ARHGAP6: variants seen among roughly 807,000 people sequenced by gnomAD.
ARHGAP6 encodes rho GTPase-activating protein 6.
ARHGAP6 carries 16 observed loss-of-function variants against 55.7 expected under a neutral mutation model. The observed-to-expected ratio is 0.29, with a 90% CI of 0.19 to 0.44. The LOEUF is 0.44. Ranked by LOEUF, ARHGAP6 falls within the 20% of genes least tolerant of loss-of-function variation. ARHGAP6 has a pLI of 1.00. For synonymous variants in ARHGAP6, 382 were observed against 360.9 expected, an observed-to-expected ratio of 1.06 and a Z score of -0.66; for missense variants, 698 against 808.9, an observed-to-expected ratio of 0.86 and a Z score of 1.66.
intron 1 of ARHGAP6, among the ~76,000 whole-genome samples, chrX:11,305,015 T>C (rs951882473): frequency 4.6e-5 from 5 of 109,540 alleles, no homozygotes; most frequent in African/African-American, 1.3e-4. Flanking sequence ...CTCAATCTCC[T>C]GACCTCCTGA....
chrX:11,533,961 A>T (rs766376976), intron 1 of ARHGAP6, among the ~76,000 whole-genome samples: 2 of 112,408 alleles, frequency 1.8e-5, no homozygotes, highest in South Asian at 7.4e-4. Flanking sequence ...AAATATTGAA[A>T]GGTTTTGGAT....
chrX:11,502,601 C>T (rs999484354), intron 1 of ARHGAP6, among the ~76,000 whole-genome samples: 2 of 111,794 alleles, frequency 1.8e-5, no homozygotes, highest in Non-Finnish European at 3.8e-5. Context: ...AAGACCAACC[C>T]CTCCTCGACC....
In ARHGAP6 at chrX:11,258,830, T is replaced by C. The variant is rs959958275; in HGVS notation, c.589-4123A>G. 7.2e-5 allele frequency among the ~76,000 whole-genome samples: 8 copies of C among 111,879 alleles called. No individual in the cohort carries two copies. The Admixed American group carries it at 7.6e-4, about 11-fold the overall frequency. ...CAAGACAATATCTGTATTTTTTGTT[T>C]CCTTATTTTTACTTTTTAAATTTCT... On this transcript the variant is annotated intron_variant, in intron 1 of 12. Coordinates refer to ENST00000337414, the MANE Select transcript of ARHGAP6 (RefSeq NM_013427.3).
chrX:11,271,553 TAA>T (rs2047694271), intron 1 of ARHGAP6, among the ~76,000 whole-genome samples: 1 of 112,106 alleles, frequency 8.9e-6, no homozygotes, highest in African/African-American at 3.2e-5. Context: ...ATAAACATAT[TAA>T]GTTAATAAAT....
chrX:11,363,336 A>G (rs754613883), intron 1 of ARHGAP6, among the ~76,000 whole-genome samples: 14 of 112,231 alleles, frequency 1.2e-4, no homozygotes, highest in Non-Finnish European at 2.4e-4. Context: ...GTTCCACCAC[A>G]CAAAACAGTC....
At chrX:11,611,597 C>G (rs1409309644) in intron 1 of ARHGAP6, among the ~76,000 whole-genome samples, 1 of 111,631 alleles carries the variant, frequency 9.0e-6, no homozygotes, top group Admixed American at 9.5e-5. Flanking sequence ...GCCTAATATT[C>G]ACTCTGCAGC....
At chrX:11,319,884 A>C (rs1007625548) in intron 1 of ARHGAP6, among the ~76,000 whole-genome samples, 15 of 112,312 alleles carry the variant, frequency 1.3e-4, no homozygotes, top group African/African-American at 4.8e-4. Flanking sequence ...CTTCATTTTG[A>C]AATTGGCCAG....
intron 2 of ARHGAP6, among the ~76,000 whole-genome samples, chrX:11,224,015 T>A (rs1412272382): frequency 3.6e-5 from 4 of 112,293 alleles, no homozygotes; most frequent in Non-Finnish European, 5.6e-5. Context: ...ACTCCCTTGC[T>A]ACTTTATAGT....
intron 1 of ARHGAP6, among the ~76,000 whole-genome samples, chrX:11,575,860 C>T (rs1218971099): frequency 8.9e-6 from 1 of 112,346 alleles, no homozygotes; most frequent in Non-Finnish European, 1.9e-5. Context: ...CCACCCATGA[C>T]TTGTTATTTA....
intron 2 of ARHGAP6, among the ~76,000 whole-genome samples, chrX:11,251,596 G>A (rs1224026818): frequency 8.9e-6 from 1 of 112,324 alleles, no homozygotes; most frequent in Non-Finnish European, 1.9e-5. Context: ...AGAAATGTGA[G>A]CTTGACTATG....
At chrX:11,358,433 CTTTCTTTCTTTCTTTCTTTCTT>C (rs1166212643) in intron 1 of ARHGAP6, among the ~76,000 whole-genome samples, 80 of 28,736 alleles carry the variant, frequency 2.8e-3, no homozygotes, top group South Asian at 0.018. Flanking sequence ...TTAACTGTAT[CTTTCTTTCTTTCTTTCTTTCTT>C]TCTTTCTTTC....
At chrX:11,551,009 T>C (rs1387922014) in intron 1 of ARHGAP6, among the ~76,000 whole-genome samples, 3 of 110,680 alleles carry the variant, frequency 2.7e-5, no homozygotes, top group African/African-American at 9.9e-5. Flanking sequence ...GGGCATTGAG[T>C]AAAAAAATCT....
intron 1 of ARHGAP6, among the ~76,000 whole-genome samples, chrX:11,482,826 C>T (rs946489359): frequency 9.0e-6 from 1 of 111,490 alleles, no homozygotes; most frequent in African/African-American, 3.3e-5. Context: ...TATCCCCTCC[C>T]CACAGTGTTG....
At chrX:11,478,210 G>A in intron 1 of ARHGAP6, among the ~76,000 whole-genome samples, 1 of 111,517 alleles carries the variant, frequency 9.0e-6, no homozygotes, top group Non-Finnish European at 1.9e-5. Flanking sequence ...AGAGAAATGA[G>A]TATGTATGTC....
At chrX:11,569,123 T>C (rs771099250) in intron 1 of ARHGAP6, among the ~76,000 whole-genome samples, 1 of 111,634 alleles carries the variant, frequency 9.0e-6, no homozygotes, top group Non-Finnish European at 1.9e-5. Flanking sequence ...ACACTAGTCG[T>C]TCTTAAGTGC....
At chrX:11,559,929 AAAT>A (rs755756728) in intron 1 of ARHGAP6, among the ~76,000 whole-genome samples, 137 of 96,139 alleles carry the variant, frequency 1.4e-3, no homozygotes, top group East Asian at 0.012. Flanking sequence ...CTCGGTCTCA[AAAT>A]AATAATAATA....
At chrX:11,250,072 A>G (rs1000689250) in intron 2 of ARHGAP6, among the ~76,000 whole-genome samples, 3 of 111,830 alleles carry the variant, frequency 2.7e-5, no homozygotes, top group African/African-American at 9.8e-5. Context: ...ATAAATTTTC[A>G]TATGTATTTT....
intron 1 of ARHGAP6, among the ~76,000 whole-genome samples, chrX:11,609,844 G>A (rs1412963888): frequency 8.9e-6 from 1 of 111,893 alleles, no homozygotes; most frequent in Non-Finnish European, 1.9e-5. Flanking sequence ...AGAAAGAGGA[G>A]GCTGGGCACT....
intron 3 of ARHGAP6, among the ~76,000 whole-genome samples, chrX:11,195,987 A>AAG (rs770765295): frequency 1.4e-4 from 13 of 95,491 alleles, no homozygotes; most frequent in Non-Finnish European, 2.1e-4. Flanking sequence ...AAAAAAAAAA[A>AAG]GCCGGTTGTG....
Sources: allele counts gnomAD v4.1 joint callset (sites outside exome capture counted in the v4.1 genomes callset), GRCh38; gene constraint gnomAD v4.1.1; transcripts MANE v1.5; gene names NCBI Gene and HGNC (gene_info 2026-07-23, HGNC 2026-07-21).